Variants in JAKMIP2 observed in about 807,000 individuals in gnomAD.
The protein encoded by JAKMIP2 is janus kinase and microtubule interacting protein 2, also known as janus kinase and microtubule-interacting protein 2.
Under a neutral mutation model 115.0 loss-of-function variants are expected in JAKMIP2, and 25 were observed. That is an observed-to-expected ratio of 0.22 (90% CI 0.16 to 0.30). JAKMIP2 has a LOEUF of 0.30. JAKMIP2 is among the 10% of genes least tolerant of loss of function. The probability of loss-of-function intolerance (pLI) is 1.00; values close to 1 mark genes in which losing one functional copy is unlikely to be tolerated. For synonymous variants in JAKMIP2, 334 were observed against 343.6 expected (o/e 0.97, Z 0.31); for missense variants, 642 against 957.6 (o/e 0.67, Z 4.35).
intron 3 of JAKMIP2, among the ~76,000 whole-genome samples, chr5:147,659,804 C>A (rs970099862): frequency 6.6e-6 from 1 of 152,010 alleles, no homozygotes; most frequent in Non-Finnish European, 1.5e-5. Flanking sequence ...AATGAGTTGA[C>A]ATAAAGAATT....
chr5:147,742,155 A>ATATATATATATATATATATTTTTTTT, intron 1 of JAKMIP2, among the ~76,000 whole-genome samples: 4 of 108,884 alleles, frequency 3.7e-5, no homozygotes, highest in East Asian at 3.3e-4. Context: ...ATATATATAT[A>ATATATATATATATATATATTTTTTTT]TTTTTTTTAC....
At chr5:147,610,618 G>A (rs949193993) in intron 20 of JAKMIP2, among the ~76,000 whole-genome samples, 3 of 152,148 alleles carry the variant, frequency 2.0e-5, no homozygotes, top group African/African-American at 7.2e-5. Context: ...GGTGTCTGTC[G>A]AACCCTCCTG....
rs77731318 is a variant in JAKMIP2 at position 147,616,126 on chromosome 5, G to A, written c.2346+1785C>T. Among the ~76,000 whole-genome samples, 980 of 152,120 alleles carry A rather than the reference G, an allele frequency of 6.4e-3. 52 individuals are homozygous for A. In the East Asian group the frequency reaches 0.13, roughly 20 times the overall value. On this transcript the variant is annotated intron_variant, in intron 19 of 21. Coordinates refer to ENST00000616793, the MANE Select transcript of JAKMIP2 (RefSeq NM_001270941.2). ...AGAGAAGAGAAGTAAGGATAAGAAC[G>A]CATCAGTTCACTCTTAAACATTCAA...
At chr5:147,744,751 C>T (rs1304216874) in intron 1 of JAKMIP2, among the ~76,000 whole-genome samples, 2 of 152,022 alleles carry the variant, frequency 1.3e-5, no homozygotes, top group African/African-American at 2.4e-5. Context: ...TACCCAGATC[C>T]TTGTGTGGAT....
chr5:147,621,908 C>A lies in JAKMIP2; in HGVS notation c.2065-1165G>T, dbSNP rs185366795. On this transcript the variant is annotated intron_variant, in intron 17 of 21. Transcript: ENST00000616793. Reference sequence around the variant, plus strand: ...TTGAGACAGAGCTTCGCTCTTGTTGCCCAGGCTGGAGTGCAATGGCGCGAT... The same window carrying A: ...TTGAGACAGAGCTTCGCTCTTGTTGACCAGGCTGGAGTGCAATGGCGCGAT... Among the ~76,000 whole-genome samples the A allele has an allele frequency of 2.1e-3, 318 of 152,186 alleles. 2 individuals carry two copies. Among genetic ancestry groups the A allele is most frequent in the African/African-American group, 7.2e-3 (298 of 41,510 alleles).
chr5:147,680,123 A>G (rs1760180614), intron 1 of JAKMIP2, among the ~76,000 whole-genome samples: 1 of 152,226 alleles, frequency 6.6e-6, no homozygotes, highest in South Asian at 2.1e-4. Context: ...TTCAAGGAAT[A>G]AATGAGTTAA....
chr5:147,659,245 A>G (rs1758836927), intron 3 of JAKMIP2, among the ~76,000 whole-genome samples: 1 of 152,176 alleles, frequency 6.6e-6, no homozygotes, highest in Non-Finnish European at 1.5e-5. Flanking sequence ...TACCTTGGGC[A>G]GGTAGCACAG....
chr5:147,748,418 G>A (rs909722242), intron 1 of JAKMIP2, among the ~76,000 whole-genome samples: 27 of 152,048 alleles, frequency 1.8e-4, no homozygotes, highest in African/African-American at 6.3e-4. Context: ...AAATTATTTA[G>A]GTAGATAGCG....
chr5:147,715,550 GATTTTACTAGAAC>G (rs1752945010), intron 1 of JAKMIP2, among the ~76,000 whole-genome samples: 1 of 151,174 alleles, frequency 6.6e-6, no homozygotes, highest in Non-Finnish European at 1.5e-5. Context: ...AGAAAAAAAA[GATTTTACTAGAAC>G]AAATAGGATA....
chr5:147,633,795 T>C (rs1287796084), intron 12 of JAKMIP2, among the ~76,000 whole-genome samples: 1 of 151,112 alleles, frequency 6.6e-6, no homozygotes, highest in Non-Finnish European at 1.5e-5. Context: ...GTTCAAGCAA[T>C]TCCCTTGCCT....
intron 1 of JAKMIP2, among the ~76,000 whole-genome samples, chr5:147,742,309 CCT>C (rs943830247): frequency 9.2e-5 from 14 of 151,766 alleles, no homozygotes; most frequent in Admixed American, 7.2e-4. Context: ...AAGACAGTCC[CCT>C]CTCAATGCTT....
intron 1 of JAKMIP2, among the ~76,000 whole-genome samples, chr5:147,735,598 G>T (rs1382992069): frequency 6.6e-6 from 1 of 152,106 alleles, no homozygotes; most frequent in South Asian, 2.1e-4. Flanking sequence ...CCCTTGACAC[G>T]TGGGGATTAT....
At chr5:147,596,235 T>C (rs893287142) in intron 21 of JAKMIP2, among the ~76,000 whole-genome samples, 2 of 151,926 alleles carry the variant, frequency 1.3e-5, no homozygotes, top group African/African-American at 4.8e-5. Flanking sequence ...AATAGATTGG[T>C]TGAAGGAACT....
At chr5:147,605,945 C>CT (rs534013474) in intron 20 of JAKMIP2, among the ~76,000 whole-genome samples, 560 of 152,260 alleles carry the variant, frequency 3.7e-3, no homozygotes, top group South Asian at 0.011. Flanking sequence ...TGATGATGAG[C>CT]TTTTTTTCAT....
chr5:147,633,694 AT>A (rs746793113), intron 12 of JAKMIP2, among the ~76,000 whole-genome samples: 1,436 of 133,648 alleles, frequency 0.011, 12 homozygotes, highest in African/African-American at 0.023. Flanking sequence ...TTATCTTTGG[AT>A]TTTTTTTTTT....
intron 1 of JAKMIP2, among the ~76,000 whole-genome samples, chr5:147,733,502 A>T (rs1293172783): frequency 1.3e-5 from 2 of 152,162 alleles, no homozygotes; most frequent in African/African-American, 2.4e-5. Context: ...TCTGGGATAC[A>T]TGTGCAGAAC....
chr5:147,763,918 C>T (rs1323876827), intron 1 of JAKMIP2, among the ~76,000 whole-genome samples: 1 of 152,010 alleles, frequency 6.6e-6, no homozygotes, highest in Non-Finnish European at 1.5e-5. Flanking sequence ...AATTAAATAA[C>T]GTTGTAAATG....
intron 1 of JAKMIP2, among the ~76,000 whole-genome samples, chr5:147,759,185 A>G (rs1754846311): frequency 6.6e-6 from 1 of 152,110 alleles, no homozygotes; most frequent in East Asian, 1.9e-4. Context: ...AATAATGAAA[A>G]CAAAAGAAAA....
intron 21 of JAKMIP2, among the ~76,000 whole-genome samples, chr5:147,596,473 A>T (rs1755395029): frequency 1.3e-5 from 2 of 152,150 alleles, no homozygotes; most frequent in African/African-American, 2.4e-5. Flanking sequence ...AATGGTATAT[A>T]AAAAAACAAA....
Sources: gnomAD v4.1 joint callset for allele counts (sites outside exome capture counted in the v4.1 genomes callset) on GRCh38, gnomAD v4.1.1 for gene constraint, MANE v1.5 for transcripts, NCBI Gene and HGNC (gene_info 2026-07-23, HGNC 2026-07-21) for gene names.